Variants in NCOA1 observed in about 807,000 individuals in gnomAD.
The protein encoded by NCOA1 is nuclear receptor coactivator 1.
A neutral mutation model predicts 150.9 loss-of-function variants in NCOA1; 35 were observed. The ratio of observed to expected loss-of-function variants is 0.23; its 90% CI spans 0.18 to 0.31. NCOA1 has a LOEUF of 0.31. Among genes scored for constraint, NCOA1 ranks in the 10% least tolerant of loss-of-function variants. NCOA1 has a pLI of 1.00. For synonymous variants in NCOA1, 590 were observed against 630.0 expected (o/e 0.94, Z 0.95); for missense variants, 1,491 against 1,749.3 (o/e 0.85, Z 2.63).
intron 3 of NCOA1, among the ~76,000 whole-genome samples, chr2:24,634,706 G>GC (rs1669856366): frequency 1.3e-5 from 1 of 78,124 alleles, no homozygotes; most frequent in Non-Finnish European, 2.7e-5. Context: ...CCTAGGGGAG[G>GC]AACCCCCCCC....
rs1403186967 is a variant in NCOA1 at position 24,706,970 on chromosome 2, G to T, written c.1500G>T (p.Arg500Ser). Residue 500 changes from arginine to serine, a missense_variant, in exon 13 of 23, where the codon AGG becomes AGT. Physicochemically the swap from Arg to Ser is moderately radical, Grantham distance 110. Coordinates refer to ENST00000348332, the MANE Select transcript of NCOA1 (RefSeq NM_003743.5). ...AGGTTACTTCTGGATTGGCAACAAG[G>T]CCCAGGATGCCAAACAATTCCTTTC... ...RRQVTSGLAT[R>S]PRMPNNSFPP... The T allele has an allele frequency of 6.2e-7, 1 of 1,614,004 alleles. No homozygotes were observed. The highest frequency in any genetic ancestry group is 8.5e-7 in the Non-Finnish European group (1 of 1,180,024).
intron 1 of NCOA1, among the ~76,000 whole-genome samples, chr2:24,558,386 C>G (rs894717502): frequency 4.6e-5 from 7 of 152,068 alleles, no homozygotes; most frequent in Admixed American, 1.3e-4. Flanking sequence ...CTTACAGTTC[C>G]ACATGGCTGG....
chr2:24,760,345 G>C (rs1664730394), intron 21 of NCOA1, among the ~76,000 whole-genome samples: 2 of 138,794 alleles, frequency 1.4e-5, no homozygotes, highest in Non-Finnish European at 3.1e-5. Context: ...TTTTGGTAGA[G>C]ATGGGGTTTC....
In NCOA1 at chr2:24,525,551, CT is replaced by C. The variant is rs769430095; in HGVS notation, c.-396+33964del. Among the ~76,000 whole-genome samples, 1,373 of 139,250 alleles carry C rather than the reference CT, an allele frequency of 9.9e-3. 8 individuals carry two copies. The highest frequency in any genetic ancestry group is 0.014 in the Non-Finnish European group (892 of 63,496). The allele number at this position is 139,250 out of a possible 152,430, so 91.4% of individuals were successfully genotyped here. A position where few individuals can be genotyped will look rare whatever the true frequency, so the allele number is the denominator to read the frequency against. On this transcript the variant is annotated intron_variant, in intron 1 of 22. Coordinates refer to ENST00000348332, the MANE Select transcript of NCOA1 (RefSeq NM_003743.5). ...GTAGTCTTTATTATGTTAGAAAGTT[CT>C]TTTTTTTTTTTTTTGAGACAGTCTT...
rs1665167183 is a variant in NCOA1 at position 24,768,299 on chromosome 2, C to T, written c.4234C>T (p.Pro1412Ser). The change falls in exon 23 of 23, where the codon CCT becomes TCT. Residue 1412 changes from proline (P) to serine (S), a missense_variant. Physicochemically the swap from Pro to Ser is moderately conservative, Grantham distance 74. This residue lies in a region of NCOA1 where 46 missense variants were observed against 78.8 expected (regional missense o/e 0.58). Transcript: ENST00000348332. ...LVGGDPYLNQ[P>S]GPLGTQKPTS... is the part of the protein sequence containing the mutation. Reference sequence around the variant, plus strand: ...AGGCGGGGACCCTTACCTGAACCAGCCTGGTCCACTGGGAACTCAAAAGCC... The same window carrying T: ...AGGCGGGGACCCTTACCTGAACCAGTCTGGTCCACTGGGAACTCAAAAGCC... The T allele has an allele frequency of 6.2e-7, 1 of 1,613,894 alleles. No individual in the cohort carries two copies. The highest frequency in any genetic ancestry group is 1.7e-5 in the Admixed American group (1 of 59,988).
chr2:24,568,159 A>G (rs1666590028), intron 2 of NCOA1, among the ~76,000 whole-genome samples: 1 of 152,192 alleles, frequency 6.6e-6, no homozygotes, highest in South Asian at 2.1e-4. Flanking sequence ...AATCTCACAA[A>G]TTTGTGCTTG....
chr2:24,508,408 A>G (rs973146073), intron 1 of NCOA1, among the ~76,000 whole-genome samples: 1 of 151,996 alleles, frequency 6.6e-6, no homozygotes, highest in Non-Finnish European at 1.5e-5. Flanking sequence ...ACAAACCAGA[A>G]CATTCATTAA....
chr2:24,575,863 G>A (rs1270533359), intron 2 of NCOA1, among the ~76,000 whole-genome samples: 4 of 152,084 alleles, frequency 2.6e-5, no homozygotes, highest in South Asian at 4.1e-4. Context: ...GTGAGCCACC[G>A]CTCTCGGCCG....
At chr2:24,708,562 A>G (rs577898351) in intron 13 of NCOA1, among the ~76,000 whole-genome samples, 2 of 152,274 alleles carry the variant, frequency 1.3e-5, no homozygotes, top group East Asian at 1.9e-4. Context: ...CATTTATTGT[A>G]TAATTGCTTA....
chr2:24,548,848 AG>A (rs1665714083), intron 1 of NCOA1, among the ~76,000 whole-genome samples: 1 of 152,180 alleles, frequency 6.6e-6, no homozygotes, highest in African/African-American at 2.4e-5. Context: ...GTGGCTTTGC[AG>A]GGTACAGCCT....
chr2:24,502,946 A>AT (rs1405423565), intron 1 of NCOA1, among the ~76,000 whole-genome samples: 1 of 152,066 alleles, frequency 6.6e-6, no homozygotes, highest in African/African-American at 2.4e-5. Context: ...ACCTTATGAA[A>AT]TTTTTTGTTT....
chr2:24,729,843 C>CTT (rs375818965), intron 17 of NCOA1, 28 bp downstream of exon 17: 52 of 1,345,464 alleles, frequency 3.9e-5, no homozygotes, highest in Middle Eastern at 2.0e-4. Context: ...GCAGTTGATA[C>CTT]TTTTTTTTTT....
At chr2:24,733,604 C>T (rs1407109200) in intron 17 of NCOA1, among the ~76,000 whole-genome samples, 1 of 152,058 alleles carries the variant, frequency 6.6e-6, no homozygotes, top group Non-Finnish European at 1.5e-5. Flanking sequence ...GTTAGCTGGG[C>T]ATGGTGGTGC....
chr2:24,608,878 C>T (rs1383550709), intron 3 of NCOA1, among the ~76,000 whole-genome samples: 1 of 151,950 alleles, frequency 6.6e-6, no homozygotes, highest in East Asian at 1.9e-4. Context: ...GCCAGATATT[C>T]TCTCTGTTGG....
rs755540980 is a variant in NCOA1, at chr2:24,741,862, C to G, written c.3382C>G (p.Gln1128Glu). ...SQQHRQRQLI[Q>E]QQRAMLMRQQ... ...ACAGCACCGACAGAGGCAGCTAATA[C>G]AGCAGCAAAGAGCCATGCTTATGAG... Residue 1128 changes from glutamine (Q) to glutamate (E), a missense_variant, in exon 19 of 23, where the codon CAG becomes GAG. Coordinates refer to ENST00000348332, the MANE Select transcript of NCOA1 (RefSeq NM_003743.5). 4 of 1,614,218 alleles carry G rather than the reference C, an allele frequency of 2.5e-6. No homozygotes were observed. In the South Asian group the frequency reaches 4.4e-5, roughly 18 times the overall value.
chr2:24,595,815 T>C (rs1397382526), intron 3 of NCOA1, among the ~76,000 whole-genome samples: 1 of 152,132 alleles, frequency 6.6e-6, no homozygotes, highest in African/African-American at 2.4e-5. Context: ...TACAAAGCTT[T>C]TATGGGCACA....
chr2:24,705,254 T>C, intron 12 of NCOA1, 21 bp downstream of exon 12: 1 of 1,611,008 alleles, frequency 6.2e-7, no homozygotes, highest in Non-Finnish European at 8.5e-7. Context: ...TTTGGAGAGC[T>C]TCATATGAAA....
At chr2:24,494,528 G>A (rs1663116055) in intron 1 of NCOA1, among the ~76,000 whole-genome samples, 1 of 152,144 alleles carries the variant, frequency 6.6e-6, no homozygotes, top group Admixed American at 6.5e-5. Context: ...CTAAGTCATG[G>A]AGCATAGGAG....
rs567661714 is a variant in NCOA1, at chr2:24,722,346, G to T, written c.2600-4243G>T. Among the ~76,000 whole-genome samples the T allele has an allele frequency of 9.2e-5, 14 of 152,306 alleles. No homozygotes were observed. The South Asian group carries it at 2.9e-3, about 32-fold the overall frequency. The stretch of plus-strand genomic sequence containing the variant: ...ATGAGGGTACTGTTGATCAGAATGT[G>T]TACAGCATGCCTGTTTGTCAGTACC... On this transcript the variant is annotated intron_variant, in intron 14 of 22. Transcript: ENST00000348332.
Sources: allele counts gnomAD v4.1 joint callset (sites outside exome capture counted in the v4.1 genomes callset), GRCh38; gene constraint gnomAD v4.1.1; regional missense constraint gnomAD v4.1.1; transcripts MANE v1.5; gene names NCBI Gene and HGNC (gene_info 2026-07-23, HGNC 2026-07-21).